Variants in GRID2 observed in about 807,000 individuals in gnomAD.
GRID2 encodes the protein glutamate ionotropic receptor delta type subunit 2.
GRID2 carries 33 observed loss-of-function variants against 114.8 expected under a neutral mutation model. That is an observed-to-expected ratio of 0.29 (90% CI 0.22 to 0.38). The LOEUF (loss-of-function observed/expected upper bound fraction) is 0.38, where lower values mean the gene tolerates loss of function less well. Among genes scored for constraint, GRID2 ranks in the 10% least tolerant of loss-of-function variants. The pLI, the probability that GRID2 is intolerant of heterozygous loss-of-function variation, is 1.00. For missense variants in GRID2, 1,184 were observed against 1,257.7 expected (o/e 0.94, Z 0.89); for synonymous variants, 505 against 449.9 (o/e 1.12, Z -1.55).
intron 1 of GRID2, among the ~76,000 whole-genome samples, chr4:92,535,708 G>A (rs1000697899): frequency 6.6e-6 from 1 of 152,162 alleles, no homozygotes; most frequent in Non-Finnish European, 1.5e-5. Context: ...AATCTATTGT[G>A]TCTGGAACTG....
intron 2 of GRID2, among the ~76,000 whole-genome samples, chr4:92,942,550 G>C (rs1751240796): frequency 6.6e-6 from 1 of 152,112 alleles, no homozygotes; most frequent in African/African-American, 2.4e-5. Context: ...CTTTTAATTG[G>C]AGCATTTATC....
intron 2 of GRID2, among the ~76,000 whole-genome samples, chr4:92,959,407 T>A (rs1031653880): frequency 6.9e-6 from 1 of 144,090 alleles, no homozygotes; most frequent in Admixed American, 6.8e-5. Flanking sequence ...GTAGTTCAAT[T>A]TTTTTTTTAA....
chr4:93,286,692 GGGGTGT>G (rs1238979641), intron 8 of GRID2, among the ~76,000 whole-genome samples: 1 of 141,392 alleles, frequency 7.1e-6, no homozygotes, highest in Non-Finnish European at 1.5e-5. Context: ...TGTGTGTGTG[GGGGTGT>G]GTGTGTGTGT....
At chr4:93,040,697 A>C (rs919662354) in intron 2 of GRID2, among the ~76,000 whole-genome samples, 1 of 152,164 alleles carries the variant, frequency 6.6e-6, no homozygotes, top group South Asian at 2.1e-4. Context: ...TTACACTGAG[A>C]ATAAGCACTC....
At chr4:92,394,323 T>G (rs1337421023) in intron 1 of GRID2, among the ~76,000 whole-genome samples, 1 of 152,122 alleles carries the variant, frequency 6.6e-6, no homozygotes, top group Non-Finnish European at 1.5e-5. Flanking sequence ...TGATTTTATT[T>G]GAAATGGTTC....
At chr4:92,680,474 T>C (rs762504071) in intron 2 of GRID2, among the ~76,000 whole-genome samples, 2 of 152,064 alleles carry the variant, frequency 1.3e-5, no homozygotes, top group African/African-American at 4.8e-5. Flanking sequence ...TAGAAAATGA[T>C]ATATTTTTAA....
chr4:93,216,958 C>A (rs1176331252), intron 6 of GRID2, 47 bp downstream of exon 6: 6 of 1,326,744 alleles, frequency 4.5e-6, no homozygotes, highest in East Asian at 4.6e-5. Context: ...CTTTGTTGGG[C>A]AATTGCAAGG....
At chr4:93,238,524 C>T in intron 8 of GRID2, 34 bp downstream of exon 8, 1 of 1,584,720 alleles carries the variant, frequency 6.3e-7, no homozygotes, top group Admixed American at 1.7e-5. Flanking sequence ...TACGCTTTTT[C>T]CTATACTATG....
intron 4 of GRID2, among the ~76,000 whole-genome samples, chr4:93,180,506 T>G (rs1739791619): frequency 6.6e-6 from 1 of 152,104 alleles, no homozygotes; most frequent in Non-Finnish European, 1.5e-5. Flanking sequence ...ACAGTGAAGT[T>G]TGTCATACCA....
intron 2 of GRID2, among the ~76,000 whole-genome samples, chr4:92,995,198 T>G: frequency 6.6e-6 from 1 of 152,138 alleles, no homozygotes; most frequent in East Asian, 1.9e-4. Context: ...TGCTTATCAG[T>G]AGAGGTGAGA....
At chr4:93,686,896 CTGGTTTTACTCTGAG>C (rs1726126572) in intron 14 of GRID2, among the ~76,000 whole-genome samples, 2 of 151,922 alleles carry the variant, frequency 1.3e-5, no homozygotes, top group South Asian at 4.1e-4. Flanking sequence ...TATAAGGATA[CTGGTTTTACTCTGAG>C]TGAAACAGAA....
intron 12 of GRID2, among the ~76,000 whole-genome samples, chr4:93,508,052 A>T (rs1316454810): frequency 6.6e-6 from 1 of 152,122 alleles, no homozygotes; most frequent in Non-Finnish European, 1.5e-5. Context: ...GATATACCTA[A>T]TGCTAAATGA....
intron 13 of GRID2, among the ~76,000 whole-genome samples, chr4:93,621,759 A>C (rs1042555817): frequency 6.6e-6 from 1 of 152,230 alleles, no homozygotes; most frequent in Non-Finnish European, 1.5e-5. Flanking sequence ...TTAAAAGCTA[A>C]AATAGTTTGG....
intron 14 of GRID2, among the ~76,000 whole-genome samples, chr4:93,651,858 C>T (rs771823273): frequency 4.6e-5 from 7 of 152,252 alleles, no homozygotes; most frequent in Non-Finnish European, 7.4e-5. Context: ...TTGAACTATA[C>T]ACAACCCCAG....
At chr4:92,808,738 G>T (rs896294159) in intron 2 of GRID2, among the ~76,000 whole-genome samples, 1 of 151,506 alleles carries the variant, frequency 6.6e-6, no homozygotes, top group African/African-American at 2.4e-5. Flanking sequence ...GAAATCTCTG[G>T]GTACTTTCAC....
At chr4:92,844,635 A>G (rs894454523) in intron 2 of GRID2, among the ~76,000 whole-genome samples, 1 of 151,296 alleles carries the variant, frequency 6.6e-6, no homozygotes, top group Non-Finnish European at 1.5e-5. Flanking sequence ...CATGTCCTAC[A>G]TAGCAAATGA....
rs1725261658 is a variant in GRID2, at chr4:92,304,258, C to A, written c.-399C>A. ...GGTGCGGGGAAGGGGGCACATCCGG[C>A]GTGAGGGGGGTGTTGGAAGTTGCAG... On this transcript the variant is annotated 5_prime_UTR_variant, in exon 1 of 16. Transcript: ENST00000282020. 1 of 225,614 alleles carries A rather than the reference C, an allele frequency of 4.4e-6. No homozygotes were observed. Among genetic ancestry groups the A allele is most frequent in the Admixed American group, 5.4e-5 (1 of 18,574 alleles). 14.0% of individuals were successfully genotyped at this position (225,614 alleles called of 1,614,324 possible). A position where few individuals can be genotyped will look rare whatever the true frequency, so the allele number is the denominator to read the frequency against.
intron 8 of GRID2, among the ~76,000 whole-genome samples, chr4:93,359,338 G>A (rs1761655593): frequency 6.6e-6 from 1 of 151,712 alleles, no homozygotes; most frequent in African/African-American, 2.4e-5. Flanking sequence ...GGGTACATGA[G>A]ATGTTTTCAT....
At chr4:93,180,361 A>C (rs1471314433) in intron 4 of GRID2, among the ~76,000 whole-genome samples, 2 of 152,142 alleles carry the variant, frequency 1.3e-5, no homozygotes, top group Non-Finnish European at 2.9e-5. Flanking sequence ...AAAGAATGCC[A>C]ACAATCATCT....
Sources: allele counts gnomAD v4.1 joint callset (sites outside exome capture counted in the v4.1 genomes callset), GRCh38; gene constraint gnomAD v4.1.1; transcripts MANE v1.5; gene names NCBI Gene and HGNC (gene_info 2026-07-23, HGNC 2026-07-21).